Variants in EPHB1 observed in about 807,000 individuals in gnomAD.
The protein encoded by EPHB1 is EPH receptor B1, also known as ephrin type-B receptor 1.
A neutral mutation model predicts 94.4 loss-of-function variants in EPHB1; 30 were observed. The observed-to-expected ratio is 0.32, with a 90% CI of 0.24 to 0.43. The LOEUF is 0.43. EPHB1 is among the 20% of genes least tolerant of loss of function. The pLI, the probability that EPHB1 is intolerant of heterozygous loss-of-function variation, is 1.00. For synonymous variants in EPHB1, 522 were observed against 489.1 expected (o/e 1.07, Z -0.89); for missense variants, 1,055 against 1,308.3 (o/e 0.81, Z 2.99).
At chr3:135,062,893 C>T (rs1411368640) in intron 3 of EPHB1, among the ~76,000 whole-genome samples, 1 of 152,124 alleles carries the variant, frequency 6.6e-6, no homozygotes, top group Non-Finnish European at 1.5e-5. Flanking sequence ...CAGCTTCATT[C>T]TCCTATATGT....
chr3:134,825,784 A>C (rs1461322858), intron 1 of EPHB1, among the ~76,000 whole-genome samples: 2 of 152,134 alleles, frequency 1.3e-5, no homozygotes, highest in Non-Finnish European at 2.9e-5. Context: ...GGTTTGGCTC[A>C]TGGCATCCTT....
chr3:135,042,624 C>A (rs184801448), intron 3 of EPHB1, among the ~76,000 whole-genome samples: 1 of 152,226 alleles, frequency 6.6e-6, no homozygotes, highest in Non-Finnish European at 1.5e-5. Context: ...GCTTATTGAG[C>A]TGAGTTTGTT....
At chr3:134,843,877 C>G (rs1413252272) in intron 1 of EPHB1, among the ~76,000 whole-genome samples, 1 of 152,114 alleles carries the variant, frequency 6.6e-6, no homozygotes, top group Non-Finnish European at 1.5e-5. Flanking sequence ...TCTGCTGTAT[C>G]TAATATCTGA....
chr3:134,973,895 C>T (rs1934081305), intron 3 of EPHB1, among the ~76,000 whole-genome samples: 1 of 152,092 alleles, frequency 6.6e-6, no homozygotes, highest in African/African-American at 2.4e-5. Context: ...AAGGCTTGGC[C>T]TGGAGAGTAT....
intron 1 of EPHB1, among the ~76,000 whole-genome samples, chr3:134,833,960 A>G (rs935041471): frequency 1.3e-5 from 2 of 152,168 alleles, no homozygotes; most frequent in South Asian, 2.1e-4. Context: ...TGGTTTCTCA[A>G]CCTTAGGCAG....
chr3:134,973,972 G>T (rs1379945574), intron 3 of EPHB1, among the ~76,000 whole-genome samples: 4 of 152,178 alleles, frequency 2.6e-5, no homozygotes, highest in Non-Finnish European at 5.9e-5. Flanking sequence ...GAGCATGTCT[G>T]CAGGAGAGAG....
chr3:134,897,341 G>C (rs141752551), intron 1 of EPHB1, among the ~76,000 whole-genome samples: 2 of 152,144 alleles, frequency 1.3e-5, no homozygotes, highest in African/African-American at 4.8e-5. Flanking sequence ...CAGGGGTGAG[G>C]GAGGGTGGGG....
intron 3 of EPHB1, among the ~76,000 whole-genome samples, chr3:134,997,937 T>C (rs1171697668): frequency 6.6e-6 from 1 of 152,212 alleles, no homozygotes; most frequent in Non-Finnish European, 1.5e-5. Context: ...CAGTGAGGTT[T>C]TATAGGCGGG....
intron 10 of EPHB1, among the ~76,000 whole-genome samples, chr3:135,181,177 C>T (rs1942143357): frequency 1.3e-5 from 2 of 152,200 alleles, no homozygotes; most frequent in South Asian, 4.1e-4. Flanking sequence ...CCGCCATCTT[C>T]CTGCTCTGGT....
intron 13 of EPHB1, among the ~76,000 whole-genome samples, chr3:135,246,757 G>C (rs1465008432): frequency 6.6e-6 from 1 of 152,192 alleles, no homozygotes; most frequent in Non-Finnish European, 1.5e-5. Flanking sequence ...GTTCAAAAGT[G>C]AGTACTCCCA....
intron 1 of EPHB1, among the ~76,000 whole-genome samples, chr3:134,810,520 A>G (rs1038109163): frequency 1.3e-5 from 2 of 152,040 alleles, no homozygotes; most frequent in African/African-American, 4.8e-5. Context: ...GACCTTTGCA[A>G]CTCCCACTTC....
At chr3:135,221,568 G>C (rs1943280745) in intron 12 of EPHB1, among the ~76,000 whole-genome samples, 2 of 152,222 alleles carry the variant, frequency 1.3e-5, no homozygotes, top group South Asian at 4.1e-4. Context: ...TAACGCACAG[G>C]ACTTAACAGG....
intron 3 of EPHB1, among the ~76,000 whole-genome samples, chr3:135,031,044 C>G (rs542710587): frequency 2.0e-5 from 3 of 152,172 alleles, no homozygotes; most frequent in Admixed American, 6.5e-5. Flanking sequence ...TGACCCCTTG[C>G]GCTTCCCGAG....
At chr3:135,187,900 TTTGTC>T (rs1306609964) in intron 10 of EPHB1, among the ~76,000 whole-genome samples, 1 of 152,098 alleles carries the variant, frequency 6.6e-6, no homozygotes, top group Admixed American at 6.6e-5. Flanking sequence ...CTACTTCTGT[TTTGTC>T]TTTTTAAAAC....
At chr3:135,090,632 T>A (rs760170432) in intron 3 of EPHB1, among the ~76,000 whole-genome samples, 1 of 152,224 alleles carries the variant, frequency 6.6e-6, no homozygotes, top group African/African-American at 2.4e-5. Flanking sequence ...GATTCCTCCA[T>A]GACCTTGGAC....
intron 1 of EPHB1, among the ~76,000 whole-genome samples, chr3:134,800,228 T>C (rs1421468867): frequency 6.6e-6 from 1 of 152,132 alleles, no homozygotes; most frequent in Non-Finnish European, 1.5e-5. Context: ...TTATTCCAAC[T>C]ATAGGAGTAG....
chr3:134,920,179 T>G (rs899073401), intron 1 of EPHB1, among the ~76,000 whole-genome samples: 1 of 152,152 alleles, frequency 6.6e-6, no homozygotes, highest in African/African-American at 2.4e-5. Context: ...CAGCACTCCC[T>G]TCCCCCAGTC....
chr3:135,014,595 G>C (rs1282858231), intron 3 of EPHB1, among the ~76,000 whole-genome samples: 1 of 152,144 alleles, frequency 6.6e-6, no homozygotes, highest in African/African-American at 2.4e-5. Flanking sequence ...TGTGCTGGTG[G>C]CTGGCACTGT....
At chr3:134,939,350 A>G (rs2107708834) in intron 2 of EPHB1, among the ~76,000 whole-genome samples, 1 of 148,454 alleles carries the variant, frequency 6.7e-6, no homozygotes, top group South Asian at 2.1e-4. Flanking sequence ...CAAATGGAAT[A>G]CCACATCAGG....
Sources: allele counts gnomAD v4.1 joint callset (sites outside exome capture counted in the v4.1 genomes callset), GRCh38; gene constraint gnomAD v4.1.1; transcripts MANE v1.5; gene names NCBI Gene and HGNC (gene_info 2026-07-23, HGNC 2026-07-21).